Variants in SLC24A2 observed in about 807,000 individuals in gnomAD.
SLC24A2 encodes sodium/potassium/calcium exchanger 2.
In SLC24A2, 36 loss-of-function variants were observed where a neutral mutation model predicts 62.0. The ratio of observed to expected loss-of-function variants is 0.58; its 90% CI spans 0.44 to 0.77. The LOEUF (loss-of-function observed/expected upper bound fraction) is 0.77. Ranked by LOEUF, SLC24A2 falls within the 30% of genes least tolerant of loss-of-function variation. The pLI is 0.00. For missense variants in SLC24A2, 846 were observed against 817.9 expected (o/e 1.03, Z -0.42); for synonymous variants, 358 against 294.0 (o/e 1.22, Z -2.23).
the SLC24A2 span, among the ~76,000 whole-genome samples, chr9:20,176,232 T>C: frequency 3.2e-4 from 49 of 152,176 alleles, no homozygotes; most frequent in South Asian, 2.7e-3. Context: ...GTGAGTCTTT[T>C]CTTCTATTTG....
intron 9 of SLC24A2, among the ~76,000 whole-genome samples, chr9:19,522,144 G>T (rs930091090): frequency 6.6e-6 from 1 of 152,042 alleles, no homozygotes; most frequent in African/African-American, 2.4e-5. Context: ...GAGTAGCTGG[G>T]ACCACAGGTG....
chr9:19,689,380 T>A (rs1455826058), intron 2 of SLC24A2, among the ~76,000 whole-genome samples: 1 of 152,180 alleles, frequency 6.6e-6, no homozygotes, highest in East Asian at 1.9e-4. Context: ...ATAAGATTGA[T>A]ACAGCTCCTA....
chr9:19,643,781 A>AT (rs1400374603), intron 2 of SLC24A2, among the ~76,000 whole-genome samples: 2 of 152,134 alleles, frequency 1.3e-5, no homozygotes. Flanking sequence ...TCAACTTTAA[A>AT]TTTTTTTCTG....
chr9:19,567,689 C>CGA (rs1491118019), intron 7 of SLC24A2, among the ~76,000 whole-genome samples: 4 of 41,534 alleles, frequency 9.6e-5, no homozygotes, highest in African/African-American at 2.8e-4. Context: ...TTTAAAATAA[C>CGA]CAAAAAAAAA....
rs199838911 is a variant in SLC24A2, at chr9:19,536,651, A to T, written c.1480-8513T>A. Among the ~76,000 whole-genome samples the T allele has an allele frequency of 4.9e-5, 3 of 61,472 alleles. No individual in the cohort carries two copies. In the East Asian group the frequency reaches 1.7e-3, roughly 35 times the overall value. 40.3% of individuals were successfully genotyped at this position (61,472 alleles called of 152,430 possible). On this transcript the variant is annotated intron_variant, in intron 8 of 10. Transcript: ENST00000341998. Reference sequence around the variant, plus strand: ...AGTCTTTGCTATTGTGAATAATGCCACAATAAACATACGTGTGCATGTGTC... The same window carrying T: ...AGTCTTTGCTATTGTGAATAATGCCTCAATAAACATACGTGTGCATGTGTC...
the SLC24A2 span, among the ~76,000 whole-genome samples, chr9:20,043,556 T>C: frequency 6.6e-6 from 1 of 152,058 alleles, no homozygotes; most frequent in South Asian, 2.1e-4. Flanking sequence ...TTAATGGGAG[T>C]TTGGAAGAAG....
chr9:19,994,769 A>G, the SLC24A2 span, among the ~76,000 whole-genome samples: 2 of 152,166 alleles, frequency 1.3e-5, no homozygotes, highest in Non-Finnish European at 2.9e-5. Flanking sequence ...ACAACTCTCT[A>G]CAGCACCCTG....
chr9:20,281,979 T>G, the SLC24A2 span, among the ~76,000 whole-genome samples: 2 of 152,220 alleles, frequency 1.3e-5, no homozygotes, highest in East Asian at 3.8e-4. Flanking sequence ...GTTTTATATT[T>G]TTGATGCTAT....
the SLC24A2 span, among the ~76,000 whole-genome samples, chr9:20,007,791 C>T: frequency 6.4e-3 from 957 of 149,264 alleles, 10 homozygotes; most frequent in African/African-American, 0.021. Flanking sequence ...CTCCTGTCCT[C>T]TTCTGCAGCA....
At chr9:19,628,714 G>T (rs1254581567) in intron 2 of SLC24A2, among the ~76,000 whole-genome samples, 1 of 152,128 alleles carries the variant, frequency 6.6e-6, no homozygotes, top group Non-Finnish European at 1.5e-5. Flanking sequence ...TTAAGGAACG[G>T]GTCTAAGACA....
chr9:19,838,264 A>G, the SLC24A2 span, among the ~76,000 whole-genome samples: 527 of 152,180 alleles, frequency 3.5e-3, 6 homozygotes, highest in African/African-American at 0.011. Context: ...AAATAATGCC[A>G]CATATCTACA....
chr9:19,695,929 A>G (rs1820178079), intron 2 of SLC24A2, among the ~76,000 whole-genome samples: 2 of 152,106 alleles, frequency 1.3e-5, no homozygotes, highest in African/African-American at 4.8e-5. Context: ...AATACATGCA[A>G]CAACTTTACT....
intron 2 of SLC24A2, among the ~76,000 whole-genome samples, chr9:19,649,141 A>G (rs1054592224): frequency 1.3e-5 from 2 of 152,164 alleles, no homozygotes; most frequent in Non-Finnish European, 2.9e-5. Flanking sequence ...TCAGTGTCAG[A>G]TATTAGCCAA....
chr9:19,983,393 C>G, the SLC24A2 span, among the ~76,000 whole-genome samples: 10 of 152,080 alleles, frequency 6.6e-5, no homozygotes, highest in Admixed American at 3.3e-4. Context: ...ACCTGTAATC[C>G]CAGCACTTTG....
At chr9:20,285,759 G>T in the SLC24A2 span, among the ~76,000 whole-genome samples, 1 of 152,164 alleles carries the variant, frequency 6.6e-6, no homozygotes, top group Non-Finnish European at 1.5e-5. Context: ...CGATCATAAG[G>T]GTGGGGCCCT....
chr9:19,864,867 AT>A, the SLC24A2 span, among the ~76,000 whole-genome samples: 1 of 151,842 alleles, frequency 6.6e-6, no homozygotes, highest in East Asian at 1.9e-4. Flanking sequence ...GATATAAAGG[AT>A]ATCCAAATTG....
At chr9:19,900,624 T>C in the SLC24A2 span, among the ~76,000 whole-genome samples, 1 of 152,248 alleles carries the variant, frequency 6.6e-6, no homozygotes, top group African/African-American at 2.4e-5. Flanking sequence ...ATAATTGTTA[T>C]AATTAAATGA....
intron 7 of SLC24A2, among the ~76,000 whole-genome samples, chr9:19,558,918 TGA>T (rs1193305670): frequency 2.0e-5 from 3 of 152,192 alleles, no homozygotes; most frequent in Admixed American, 1.3e-4. Context: ...GAAGACATCT[TGA>T]GAGTGTCTTA....
chr9:19,780,671 G>C (rs1396324352), intron 2 of SLC24A2, among the ~76,000 whole-genome samples: 1 of 151,538 alleles, frequency 6.6e-6, no homozygotes, highest in Non-Finnish European at 1.5e-5. Context: ...GGATCACGAG[G>C]TCAGGAGATT....
Sources: allele counts gnomAD v4.1 joint callset (sites outside exome capture counted in the v4.1 genomes callset), GRCh38; gene constraint gnomAD v4.1.1; transcripts MANE v1.5; gene names NCBI Gene and HGNC (gene_info 2026-07-23, HGNC 2026-07-21).